PRKN: variants seen among roughly 807,000 people sequenced by gnomAD.
The protein encoded by PRKN is E3 ubiquitin-protein ligase parkin.
A neutral mutation model predicts 59.5 loss-of-function variants in PRKN; 56 were observed. That is an observed-to-expected ratio of 0.94 (90% CI 0.76 to 1.18). The LOEUF is 1.18. Ranked by LOEUF, PRKN falls within the 50% of genes most tolerant of loss-of-function variation. The probability of loss-of-function intolerance (pLI) is 0.00; values close to 1 mark genes in which losing one functional copy is unlikely to be tolerated. For missense variants in PRKN, 657 were observed against 596.4 expected, an observed-to-expected ratio of 1.10 and a Z score of -1.06; for synonymous variants, 250 against 222.1, an observed-to-expected ratio of 1.13 and a Z score of -1.12.
At chr6:161,976,718 C>T (rs907110631) in intron 5 of PRKN, among the ~76,000 whole-genome samples, 10 of 152,216 alleles carry the variant, frequency 6.6e-5, no homozygotes, top group African/African-American at 2.4e-4. Context: ...CTGGTTTTTG[C>T]AGACATGAAA....
intron 2 of PRKN, among the ~76,000 whole-genome samples, chr6:162,391,284 C>T (rs1028028734): frequency 1.3e-5 from 2 of 151,722 alleles, no homozygotes; most frequent in Admixed American, 6.6e-5. Flanking sequence ...TCTGCAATGA[C>T]TTCCTCCTGG....
chr6:162,707,350 A>T (rs1186934734), intron 1 of PRKN, among the ~76,000 whole-genome samples: 1 of 152,228 alleles, frequency 6.6e-6, no homozygotes, highest in East Asian at 1.9e-4. Context: ...TTGCTAAATA[A>T]TAACTGATGA....
Position 161,362,359 on chromosome 6 carries a change from G to A in PRKN, c.1168-2154C>T, listed in dbSNP as rs1330660249. 1.3e-5 allele frequency among the ~76,000 whole-genome samples: 2 copies of A among 152,266 alleles called. No individual in the cohort carries two copies. Among genetic ancestry groups the A allele is most frequent in the Middle Eastern group, 3.4e-3 (1 of 294 alleles). Reference sequence around the variant, plus strand: ...GCTGTGGGGCTATCTTCTTAGTCCCGCGCTGCCCATCATCTGGGTCTTCCC... The same window carrying A: ...GCTGTGGGGCTATCTTCTTAGTCCCACGCTGCCCATCATCTGGGTCTTCCC... On this transcript the variant is annotated intron_variant, in intron 10 of 11. Transcript: ENST00000366898. This position sits in a 1 kb window ranked among gnomAD's most constrained non-coding sequence, Gnocchi z 5.2.
intron 6 of PRKN, among the ~76,000 whole-genome samples, chr6:161,908,992 G>T (rs761438099): frequency 8.5e-5 from 13 of 152,182 alleles, no homozygotes; most frequent in Non-Finnish European, 1.8e-4. Flanking sequence ...AAATTGAAGA[G>T]AGGCCTGTAA....
intron 1 of PRKN, among the ~76,000 whole-genome samples, chr6:162,680,108 TTTC>T (rs1255980428): frequency 1.3e-5 from 2 of 151,906 alleles, no homozygotes; most frequent in African/African-American, 4.8e-5. Flanking sequence ...TATAACACAT[TTTC>T]TTTTCTTCCT....
At chr6:162,266,911 G>A (rs1021481518) in intron 2 of PRKN, among the ~76,000 whole-genome samples, 1 of 152,064 alleles carries the variant, frequency 6.6e-6, no homozygotes, top group Non-Finnish European at 1.5e-5. Flanking sequence ...TACAGAGAAG[G>A]CAGAATAAGC....
At position 161,499,037 on chromosome 6, in the gene PRKN, T is replaced by C. The variant is rs1364562969; in HGVS notation, c.1083+49817A>G. On this transcript the variant is annotated intron_variant, in intron 9 of 11. Transcript: ENST00000366898. The surrounding 1 kb of genome is among the most constrained non-coding windows in gnomAD (Gnocchi z 4.2). Reference sequence around the variant, plus strand: ...TTTCTCAGAACTCAGGCTGAAACCCTGTGATCTAGTCCAAACCAACCTTCC... The same window carrying C: ...TTTCTCAGAACTCAGGCTGAAACCCCGTGATCTAGTCCAAACCAACCTTCC... Among the ~76,000 whole-genome samples, 1 of 152,104 alleles carries C rather than the reference T, an allele frequency of 6.6e-6. No individual in the cohort carries two copies. The highest frequency in any genetic ancestry group is 1.9e-4 in the East Asian group (1 of 5,192).
chr6:162,405,815 G>A (rs1319568991), intron 2 of PRKN, among the ~76,000 whole-genome samples: 3 of 152,166 alleles, frequency 2.0e-5, no homozygotes, highest in Non-Finnish European at 1.5e-5. Context: ...TGCTGGCACT[G>A]TGCACTCAGA....
chr6:162,307,557 T>G (rs1377019941), intron 2 of PRKN, among the ~76,000 whole-genome samples: 5 of 152,006 alleles, frequency 3.3e-5, no homozygotes, highest in African/African-American at 4.8e-5. Context: ...AAGGAAGACC[T>G]GAACTGAATT....
intron 1 of PRKN, among the ~76,000 whole-genome samples, chr6:162,556,331 A>T (rs1779567587): frequency 9.3e-6 from 1 of 107,810 alleles, no homozygotes; most frequent in African/African-American, 3.9e-5. Context: ...CCAAGCAGTA[A>T]CTACTCAGCT....
At chr6:162,470,477 G>T (rs67648143) in intron 1 of PRKN, among the ~76,000 whole-genome samples, 1 of 151,810 alleles carries the variant, frequency 6.6e-6, no homozygotes, top group South Asian at 2.1e-4. Context: ...GGTGGCAGGC[G>T]CTACTTGGGA....
chr6:162,276,709 G>C (rs1054128686), intron 2 of PRKN, among the ~76,000 whole-genome samples: 5 of 148,706 alleles, frequency 3.4e-5, no homozygotes, highest in Admixed American at 2.0e-4. Context: ...GTGTGTGTCT[G>C]TGTGTGTGTG....
At chr6:161,863,586 G>A (rs1406522123) in intron 6 of PRKN, among the ~76,000 whole-genome samples, 1 of 152,160 alleles carries the variant, frequency 6.6e-6, no homozygotes, top group African/African-American at 2.4e-5. Context: ...AAGTGATGGT[G>A]AAGGTAATCT....
intron 1 of PRKN, among the ~76,000 whole-genome samples, chr6:162,465,585 T>A (rs1323719395): frequency 6.6e-6 from 1 of 152,214 alleles, no homozygotes; most frequent in Non-Finnish European, 1.5e-5. Context: ...AAATAATTCT[T>A]TTCTGGAGGT....
At chr6:161,520,225 C>CTTTT (rs76575980) in intron 9 of PRKN, among the ~76,000 whole-genome samples, 3 of 50,786 alleles carry the variant, frequency 5.9e-5, no homozygotes, top group Non-Finnish European at 4.1e-5. Flanking sequence ...TCTCTCTATG[C>CTTTT]ATTTTTTTTT....
intron 2 of PRKN, among the ~76,000 whole-genome samples, chr6:162,403,191 C>G (rs1329318100): frequency 6.6e-6 from 1 of 152,182 alleles, no homozygotes; most frequent in Non-Finnish European, 1.5e-5. Context: ...CCAACACCAT[C>G]TGGCGCCTTT....
chr6:161,930,697 G>T (rs60967831), intron 6 of PRKN, among the ~76,000 whole-genome samples: 1 of 152,182 alleles, frequency 6.6e-6, no homozygotes, highest in African/African-American at 2.4e-5. Context: ...ACATGGCAAG[G>T]GGAAATCAAA....
At chr6:162,584,081 C>T (rs958212779) in intron 1 of PRKN, among the ~76,000 whole-genome samples, 1 of 151,970 alleles carries the variant, frequency 6.6e-6, no homozygotes, top group Admixed American at 6.6e-5. Flanking sequence ...GGCGTGGTGG[C>T]AGATGCCTGT....
chr6:162,026,629 C>T (rs2128277838), intron 5 of PRKN, among the ~76,000 whole-genome samples: 1 of 152,140 alleles, frequency 6.6e-6, no homozygotes, highest in South Asian at 2.1e-4. Flanking sequence ...AGTGGAGCTC[C>T]CTAAAGGCAT....
Sources: gnomAD v4.1 joint callset for allele counts (sites outside exome capture counted in the v4.1 genomes callset) on GRCh38, gnomAD v4.1.1 for gene constraint, Gnocchi (gnomAD v3.1) non-coding constraint, MANE v1.5 for transcripts, NCBI Gene and HGNC (gene_info 2026-07-23, HGNC 2026-07-21) for gene names.